The following DERA variants were observed in gnomAD, a reference collection of about 807,000 sequenced individuals.
The protein encoded by DERA is 2-deoxy-D-ribose 5-phosphate aldolase.
In DERA, 15 loss-of-function variants were observed where a neutral mutation model predicts 41.1. That is an observed-to-expected ratio of 0.37 (90% CI 0.24 to 0.56). DERA has a LOEUF of 0.56. Among genes scored for constraint, DERA ranks in the 20% least tolerant of loss-of-function variants. The pLI is 0.81. For synonymous variants in DERA, 139 were observed against 137.4 expected, an observed-to-expected ratio of 1.01 and a Z score of -0.08; for missense variants, 396 against 403.4, an observed-to-expected ratio of 0.98 and a Z score of 0.16.
chr12:15,961,825 C>T (rs1948590167), intron 4 of DERA, among the ~76,000 whole-genome samples: 1 of 152,192 alleles, frequency 6.6e-6, no homozygotes, highest in Non-Finnish European at 1.5e-5. Flanking sequence ...CTCACTGCAG[C>T]CTCCGCCTCC....
At position 16,032,554 on chromosome 12, in the gene DERA, T is replaced by G; in HGVS notation, c.650T>G (p.Ile217Ser). 1 of 1,519,720 alleles carries G rather than the reference T, an allele frequency of 6.6e-7. No individual in the cohort carries two copies. Among genetic ancestry groups the G allele is most frequent in the Non-Finnish European group, 8.8e-7 (1 of 1,134,916 alleles). The allele number at this position is 1,519,720 out of a possible 1,614,324, so 94.1% of individuals were successfully genotyped here. A position where few individuals can be genotyped will look rare whatever the true frequency, so the allele number is the denominator to read the frequency against. Reference sequence around the variant, plus strand: ...CTTTTTGTTTTAGGATCAGATTTTATTAAGACCTCTACTGGAAAAGAAACA... The same window carrying G: ...CTTTTTGTTTTAGGATCAGATTTTAGTAAGACCTCTACTGGAAAAGAAACA... Reference protein sequence around the residue: ...MIAMMAGSDFIKTSTGKETVN... With the variant: ...MIAMMAGSDFSKTSTGKETVN... The change falls in exon 7 of 9, where the codon ATT becomes AGT. Residue 217 changes from isoleucine (I) to serine (S), a missense_variant. By Grantham distance (142) the Ile-to-Ser change is moderately radical. Coordinates refer to ENST00000428559, the MANE Select transcript of DERA (RefSeq NM_015954.4).
chr12:15,927,821 C>CT (rs1357597254), intron 1 of DERA, among the ~76,000 whole-genome samples: 2 of 151,838 alleles, frequency 1.3e-5, no homozygotes, highest in Non-Finnish European at 2.9e-5. Context: ...TTTTAAAATG[C>CT]TTTTTTTAAA....
chr12:15,975,564 T>A (rs1278453698), intron 5 of DERA, among the ~76,000 whole-genome samples: 1 of 152,244 alleles, frequency 6.6e-6, no homozygotes, highest in Non-Finnish European at 1.5e-5. Context: ...AGGTTTGTTT[T>A]GGGAAAGGGC....
Position 16,036,758 on chromosome 12 carries a change from G to T in DERA, c.*12G>T. The T allele has an allele frequency of 2.5e-6, 4 of 1,570,792 alleles. No individual in the cohort carries two copies. The highest frequency in any genetic ancestry group is 1.2e-5 in the South Asian group (1 of 84,332). On this transcript the variant is annotated 3_prime_UTR_variant, in exon 9 of 9. Transcript: ENST00000428559. This position sits in a 1 kb window ranked among gnomAD's most constrained non-coding sequence, Gnocchi z 4.9. ...TTCCAATGTCTTAAATCAGTCACCA[G>T]TTCCAGAAAAGTTCTTTACGACAAT...
intron 1 of DERA, among the ~76,000 whole-genome samples, chr12:15,955,945 G>T (rs1351459815): frequency 6.6e-6 from 1 of 152,174 alleles, no homozygotes; most frequent in Non-Finnish European, 1.5e-5. Context: ...GAGAGATATA[G>T]AAGTGAGGTT....
chr12:15,989,488 G>T lies in DERA; in HGVS notation c.637+7052G>T, dbSNP rs1054684299. Reference sequence around the variant, plus strand: ...TTCCTTTAAGTACTTGAGTATATTTGTAATAGCTGATTTAAAGCCTTATGT... The same window carrying T: ...TTCCTTTAAGTACTTGAGTATATTTTTAATAGCTGATTTAAAGCCTTATGT... On this transcript the variant is annotated intron_variant, in intron 6 of 8. Transcript: ENST00000428559. This position sits in a 1 kb window ranked among gnomAD's most constrained non-coding sequence, Gnocchi z 5.2. Among the ~76,000 whole-genome samples the T allele has an allele frequency of 2.6e-5, 4 of 152,114 alleles. No individual in the cohort carries two copies. The highest frequency in any genetic ancestry group is 1.3e-4 in the Admixed American group (2 of 15,274).
At chr12:15,951,377 G>A (rs892630918) in intron 1 of DERA, 3 of 152,236 alleles carry the variant, frequency 2.0e-5, no homozygotes, top group African/African-American at 4.8e-5. Flanking sequence ...ACATTGTGTA[G>A]CTGTATCAGG....
At chr12:15,977,551 C>G (rs1470131786) in intron 5 of DERA, among the ~76,000 whole-genome samples, 1 of 152,232 alleles carries the variant, frequency 6.6e-6, no homozygotes, top group South Asian at 2.1e-4. Flanking sequence ...CTCCCAGGTT[C>G]AAGTGATTCT....
chr12:15,960,799 T>A (rs941892130), intron 4 of DERA, among the ~76,000 whole-genome samples: 1 of 152,082 alleles, frequency 6.6e-6, no homozygotes, highest in African/African-American at 2.4e-5. Flanking sequence ...GAGGAGGAGT[T>A]CACAGTGTTA....
chr12:16,032,070 A>G (rs913413453), intron 6 of DERA, among the ~76,000 whole-genome samples: 2 of 152,236 alleles, frequency 1.3e-5, no homozygotes, highest in African/African-American at 4.8e-5. Context: ...ATTAATGAAC[A>G]ATGCAATAGA....
At position 16,015,402 on chromosome 12, in the gene DERA, G is replaced by A. The variant is rs1592051262; in HGVS notation, c.638-17140G>A. ...CAGGAAGTTCTCACGAGATCTGATGGTTTTATAAGTGGCTCGTTACCCCTT... is the reference window on the plus strand; with the variant it reads ...CAGGAAGTTCTCACGAGATCTGATGATTTTATAAGTGGCTCGTTACCCCTT... On this transcript the variant is annotated intron_variant, in intron 6 of 8. Coordinates refer to ENST00000428559, the MANE Select transcript of DERA (RefSeq NM_015954.4). Among the ~76,000 whole-genome samples the A allele has an allele frequency of 2.0e-5, 3 of 152,188 alleles. No homozygotes were observed. The East Asian group carries it at 5.8e-4, about 29-fold the overall frequency.
rs76599300 is a variant in DERA, at chr12:15,990,333, A to C, written c.637+7897A>C. ...TTTGCTAACACTTGCCTCTGTATTC[A>C]AAAAGAAAGGTACAAAAGAATGATT... On this transcript the variant is annotated intron_variant, in intron 6 of 8. Coordinates refer to ENST00000428559, the MANE Select transcript of DERA (RefSeq NM_015954.4). The surrounding 1 kb of genome is among the most constrained non-coding windows in gnomAD (Gnocchi z 4.3). 3.9e-5 allele frequency among the ~76,000 whole-genome samples: 6 copies of C among 152,356 alleles called. No individual in the cohort carries two copies. The East Asian group carries it at 1.2e-3, about 29-fold the overall frequency.
intron 1 of DERA, among the ~76,000 whole-genome samples, chr12:15,952,835 A>G (rs1485875929): frequency 6.6e-6 from 1 of 152,244 alleles, no homozygotes; most frequent in Admixed American, 6.5e-5. Context: ...TAGTCAGTCA[A>G]ACAAGCCACA....
chr12:16,013,193 TG>T lies in DERA; in HGVS notation c.638-19348del, dbSNP rs1176049825. Reference sequence around the variant, plus strand: ...CATTTTAAAGAACCATAATTATGAATGTGTTGAAGTATTTTTCTTCAGTAGT... The same window carrying T: ...CATTTTAAAGAACCATAATTATGAATTGTTGAAGTATTTTTCTTCAGTAGT... On this transcript the variant is annotated intron_variant, in intron 6 of 8. Transcript: ENST00000428559. The surrounding 1 kb of genome is among the most constrained non-coding windows in gnomAD (Gnocchi z 5.8). 8.5e-5 allele frequency among the ~76,000 whole-genome samples: 13 copies of T among 152,190 alleles called. 1 individual carries two copies. Among genetic ancestry groups the T allele is most frequent in the African/African-American group, 3.1e-4 (13 of 41,444 alleles).
intron 1 of DERA, among the ~76,000 whole-genome samples, chr12:15,912,186 C>T (rs1008328220): frequency 6.6e-6 from 1 of 152,016 alleles, no homozygotes; most frequent in Admixed American, 6.6e-5. Context: ...GTTTGTGTCC[C>T]TGGGTACTTA....
At position 15,924,546 on chromosome 12, in the gene DERA, G is replaced by A. The variant is rs749730307; in HGVS notation, c.31+13132G>A. Among the ~76,000 whole-genome samples, 1 of 152,114 alleles carries A rather than the reference G, an allele frequency of 6.6e-6. No individual in the cohort carries two copies. The highest frequency in any genetic ancestry group is 1.5e-5 in the Non-Finnish European group (1 of 68,028). ...TTCCATCTTAGCCCTGACAAGTATGGTGTGACCTTGAACAAGTAATTTAAT... is the reference window on the plus strand; with the variant it reads ...TTCCATCTTAGCCCTGACAAGTATGATGTGACCTTGAACAAGTAATTTAAT... On this transcript the variant is annotated intron_variant, in intron 1 of 8. Transcript: ENST00000428559. This position sits in a 1 kb window ranked among gnomAD's most constrained non-coding sequence, Gnocchi z 5.0.
chr12:15,919,754 T>G (rs1948227637), intron 1 of DERA, among the ~76,000 whole-genome samples: 2 of 152,142 alleles, frequency 1.3e-5, no homozygotes, highest in Admixed American at 6.5e-5. Context: ...CAGGCCTTCC[T>G]CCCGCAAAGC....
intron 1 of DERA, chr12:15,951,434 T>C (rs1432066172): frequency 1.3e-5 from 2 of 152,160 alleles, no homozygotes; most frequent in African/African-American, 4.8e-5. Flanking sequence ...TCACGAAGGG[T>C]TTAGAGCTGT....
chr12:15,960,014 A>G, intron 4 of DERA, 90 bp downstream of exon 4: 1 of 906,510 alleles, frequency 1.1e-6, no homozygotes. Flanking sequence ...TTGTACTATG[A>G]TTTAAATTAG....
Sources: allele counts gnomAD v4.1 joint callset (sites outside exome capture counted in the v4.1 genomes callset), GRCh38; gene constraint gnomAD v4.1.1; non-coding constraint Gnocchi (gnomAD v3.1); transcripts MANE v1.5; gene names NCBI Gene and HGNC (gene_info 2026-07-23, HGNC 2026-07-21).